The following KMT2C variants were observed in gnomAD, a reference collection of about 807,000 sequenced individuals.
KMT2C encodes the protein lysine methyltransferase 2C.
A neutral mutation model predicts 507.9 loss-of-function variants in KMT2C; 88 were observed. The ratio of observed to expected loss-of-function variants is 0.17; its 90% CI spans 0.15 to 0.21. The LOEUF is 0.21. Ranked by LOEUF, KMT2C falls within the 10% of genes least tolerant of loss-of-function variation. The probability of loss-of-function intolerance (pLI) is 1.00; values close to 1 mark genes in which losing one functional copy is unlikely to be tolerated. For missense variants in KMT2C, 4,954 were observed against 5,957.8 expected (o/e 0.83, Z 5.55); for synonymous variants, 2,049 against 2,080.8 (o/e 0.98, Z 0.42).
intron 16 of KMT2C, among the ~76,000 whole-genome samples, chr7:152,234,544 T>C (rs1173467487): frequency 6.6e-6 from 1 of 152,218 alleles, no homozygotes; most frequent in Non-Finnish European, 1.5e-5. Context: ...ATATACTTCC[T>C]GATTCATTCT....
chr7:152,287,543 A>G lies in KMT2C; in HGVS notation c.850-13676T>C, dbSNP rs536631050. Among the ~76,000 whole-genome samples the G allele has an allele frequency of 2.0e-4, 31 of 152,346 alleles. No individual in the cohort carries two copies. The South Asian group carries it at 6.0e-3, about 30-fold the overall frequency. Reference sequence around the variant, plus strand: ...TACTAAAAGGGGGTATTTAAATAAAATGCAGAGCTTCATAACACAACACTT... The same window carrying G: ...TACTAAAAGGGGGTATTTAAATAAAGTGCAGAGCTTCATAACACAACACTT... On this transcript the variant is annotated intron_variant, in intron 6 of 58. Transcript: ENST00000262189.
At position 152,194,477 on chromosome 7, in the gene KMT2C, C is replaced by G. The variant is rs892247070; in HGVS notation, c.4470G>C (p.Gly1490=). The change falls in exon 29 of 59, where the codon GGG becomes GGC. Residue 1490 remains glycine, a synonymous_variant. Coordinates refer to ENST00000262189, the MANE Select transcript of KMT2C (RefSeq NM_170606.3). The part of the protein sequence containing the change: ...SRPLSEEQLD[G]ILSPELDKMV... ...TTTTGTCTAGTTCAGGACTGAGGAT[C>G]CCATCTAGCTGTTCTTCACTTAATG... 7.4e-6 allele frequency: 12 copies of G among 1,613,404 alleles called. No individual in the cohort carries two copies. Among genetic ancestry groups the G allele is most frequent in the East Asian group, 2.2e-5 (1 of 44,822 alleles).
At chr7:152,367,476 C>T (rs1467022061) in intron 1 of KMT2C, 6 of 834,088 alleles carry the variant, frequency 7.2e-6, no homozygotes, top group South Asian at 4.2e-5. Flanking sequence ...CCTCGGCCTC[C>T]CAAAGTTCTG....
At chr7:152,286,813 C>G (rs2096306591) in intron 6 of KMT2C, among the ~76,000 whole-genome samples, 1 of 152,140 alleles carries the variant, frequency 6.6e-6, no homozygotes, top group Non-Finnish European at 1.5e-5. Flanking sequence ...AGAAAAGTTG[C>G]TAGAGAAGCA....
intron 42 of KMT2C, among the ~76,000 whole-genome samples, chr7:152,164,398 T>C (rs1461066660): frequency 2.0e-5 from 3 of 151,528 alleles, no homozygotes; most frequent in African/African-American, 7.3e-5. Context: ...CACGCCATTC[T>C]CCTGCCTCAG....
At chr7:152,178,533 T>A (rs2093312072) in intron 37 of KMT2C, among the ~76,000 whole-genome samples, 1 of 152,174 alleles carries the variant, frequency 6.6e-6, no homozygotes. Flanking sequence ...GCCTCATCTA[T>A]AAAGATTAAG....
chr7:152,431,513 G>A (rs1449373234), intron 1 of KMT2C, among the ~76,000 whole-genome samples: 1 of 151,844 alleles, frequency 6.6e-6, no homozygotes, highest in Non-Finnish European at 1.5e-5. Context: ...GGCTGAGACA[G>A]GAGAATCACT....
At chr7:152,391,572 A>C (rs2097498993) in intron 1 of KMT2C, among the ~76,000 whole-genome samples, 1 of 145,632 alleles carries the variant, frequency 6.9e-6, no homozygotes, top group African/African-American at 2.6e-5. Context: ...TTTGACACAG[A>C]GTCTCTGGCA....
chr7:152,411,638 G>C (rs1589836761), intron 1 of KMT2C, among the ~76,000 whole-genome samples: 1 of 152,254 alleles, frequency 6.6e-6, no homozygotes, highest in Non-Finnish European at 1.5e-5. Flanking sequence ...CCAGATCAGG[G>C]ACTCTGCTAC....
At chr7:152,418,447 T>C (rs2097758921) in intron 1 of KMT2C, among the ~76,000 whole-genome samples, 1 of 151,942 alleles carries the variant, frequency 6.6e-6, no homozygotes, top group African/African-American at 2.4e-5. Flanking sequence ...TGTTGTTGTT[T>C]TGAGACAGAG....
chr7:152,195,238 CTTA>C (rs1321790338), intron 28 of KMT2C, among the ~76,000 whole-genome samples: 7 of 151,818 alleles, frequency 4.6e-5, no homozygotes, highest in Non-Finnish European at 7.4e-5. Flanking sequence ...CTTATTTGAT[CTTA>C]TATTAGGAAC....
chr7:152,367,020 G>A, intron 1 of KMT2C: 3 of 594,580 alleles, frequency 5.0e-6, no homozygotes, highest in Admixed American at 2.9e-5. Flanking sequence ...CTGAGCCTGG[G>A]CTCTTGCTCT....
rs745808781 is a variant in KMT2C at position 152,152,875 on chromosome 7, G to A, written c.12356C>T (p.Pro4119Leu). Reference sequence around the variant, plus strand: ...GACCAAACCCATGGATGGGACATCTGGAGCACTGCTAACCTCATAGCTGTT... The same window carrying A: ...GACCAAACCCATGGATGGGACATCTAGAGCACTGCTAACCTCATAGCTGTT... Reference protein sequence around the residue: ...IPNSYEVSSAPDVPSMGLVSS... With the variant: ...IPNSYEVSSALDVPSMGLVSS... The change falls in exon 49 of 59, where the codon CCA becomes CTA. Residue 4119 changes from proline (P) to leucine (L), a missense_variant. By Grantham distance (98) the Pro-to-Leu change is moderately conservative (BLOSUM62 -3). This residue lies in a region of KMT2C where 417 missense variants were observed against 461.1 expected (regional missense o/e 0.90). Coordinates refer to ENST00000262189, the MANE Select transcript of KMT2C (RefSeq NM_170606.3). 1.9e-6 allele frequency: 3 copies of A among 1,614,040 alleles called. No homozygotes were observed. Among genetic ancestry groups the A allele is most frequent in the African/African-American group, 1.3e-5 (1 of 74,910 alleles).
intron 1 of KMT2C, among the ~76,000 whole-genome samples, chr7:152,364,626 GA>G (rs1173250954): frequency 7.2e-6 from 1 of 138,660 alleles, no homozygotes. Context: ...AAAAAGAAAA[GA>G]AAAAAAGAAA....
At chr7:152,422,547 T>C (rs2097783982) in intron 1 of KMT2C, among the ~76,000 whole-genome samples, 1 of 152,064 alleles carries the variant, frequency 6.6e-6, no homozygotes, top group Non-Finnish European at 1.5e-5. Flanking sequence ...CAACATGAAA[T>C]TATCTGCCAT....
At chr7:152,326,752 G>A (rs924689947) in intron 3 of KMT2C, among the ~76,000 whole-genome samples, 7 of 152,060 alleles carry the variant, frequency 4.6e-5, no homozygotes, top group African/African-American at 1.7e-4. Flanking sequence ...GTGGTGGCAG[G>A]CGCCTGTGGT....
In KMT2C at chr7:152,179,847, G is replaced by T. The variant is rs1299692049; in HGVS notation, c.7429C>A (p.Pro2477Thr). Residue 2477 changes from proline (P) to threonine (T), a missense_variant, in exon 37 of 59, where the codon CCT becomes ACT. By Grantham distance (38) the Pro-to-Thr change is conservative (BLOSUM62 -1). This residue lies in a region of KMT2C where 1,689 missense variants were observed against 1,654.3 expected (regional missense o/e 1.02). Transcript: ENST00000262189. Reference protein sequence around the residue: ...PPDVASMGMRPHGFRFGFPGG... With the variant: ...PPDVASMGMRTHGFRFGFPGG... ...TAAAAGCATTACCTAAATCCATGAGGTCTCATCCCCATACTAGCAACATCA... is the reference window on the plus strand; with the variant it reads ...TAAAAGCATTACCTAAATCCATGAGTTCTCATCCCCATACTAGCAACATCA... 7 of 1,613,730 alleles carry T rather than the reference G, an allele frequency of 4.3e-6. No homozygotes were observed. Among genetic ancestry groups the T allele is most frequent in the Non-Finnish European group, 5.9e-6 (7 of 1,179,782 alleles).
rs146945207 is a variant in KMT2C at position 152,176,405 on chromosome 7, T to C, written c.9048A>G (p.Gln3016=). ...TGKPATQTGP[Q]TSQSGTSSMS... is the part of the protein sequence containing the mutation. ...TGCTACTGGTACCAGACTGACTTGTTTGAGGCCCAGTTTGAGTTGCAGGTT... is the reference window on the plus strand; with the variant it reads ...TGCTACTGGTACCAGACTGACTTGTCTGAGGCCCAGTTTGAGTTGCAGGTT... Residue 3016 remains glutamine (Q), a synonymous_variant, in exon 38 of 59, where the codon CAA becomes CAG. Coordinates refer to ENST00000262189, the MANE Select transcript of KMT2C (RefSeq NM_170606.3). The C allele has an allele frequency of 1.2e-5, 20 of 1,614,028 alleles. No individual in the cohort carries two copies. In the African/African-American group the frequency reaches 1.3e-4, roughly 11 times the overall value.
chr7:152,361,817 T>TA (rs2097200076), intron 1 of KMT2C, among the ~76,000 whole-genome samples: 1 of 152,118 alleles, frequency 6.6e-6, no homozygotes, highest in Admixed American at 6.5e-5. Flanking sequence ...TCAGATTACA[T>TA]AAAGCAAACA....
Sources: gnomAD v4.1 joint callset for allele counts (sites outside exome capture counted in the v4.1 genomes callset) on GRCh38, gnomAD v4.1.1 for gene constraint, gnomAD v4.1.1 regional missense constraint, MANE v1.5 for transcripts, NCBI Gene and HGNC (gene_info 2026-07-23, HGNC 2026-07-21) for gene names.